Variants in C4orf51 observed in about 807,000 individuals in gnomAD.
C4orf51 encodes the protein uncharacterized protein C4orf51.
C4orf51 carries 25 observed loss-of-function variants against 25.2 expected under a neutral mutation model. The observed-to-expected ratio is 0.99, with a 90% CI of 0.72 to 1.39. C4orf51 has a LOEUF of 1.39. C4orf51 is among the 40% of genes most tolerant of loss of function. The probability of loss-of-function intolerance (pLI) is 0.00; values close to 1 mark genes in which losing one functional copy is unlikely to be tolerated. For missense variants in C4orf51, 252 were observed against 239.6 expected (o/e 1.05, Z -0.34); for synonymous variants, 100 against 84.5 (o/e 1.18, Z -1.01).
At chr4:145,744,851 T>C (rs1347976136) in intron 1 of C4orf51, among the ~76,000 whole-genome samples, 1 of 136,306 alleles carries the variant, frequency 7.3e-6, no homozygotes, top group South Asian at 2.8e-4. Flanking sequence ...AAACTCTGTC[T>C]CAAAAAAAAA....
At chr4:145,702,932 G>A (rs1214202187) in intron 2 of C4orf51, among the ~76,000 whole-genome samples, 1 of 151,238 alleles carries the variant, frequency 6.6e-6, no homozygotes, top group Non-Finnish European at 1.5e-5. Flanking sequence ...CCCTAATCCC[G>A]CTTGAAGCAG....
chr4:145,720,862 C>G (rs1731698569), intron 2 of C4orf51, among the ~76,000 whole-genome samples: 1 of 152,152 alleles, frequency 6.6e-6, no homozygotes, highest in South Asian at 2.1e-4. Context: ...CCCCATTTCT[C>G]TATGGACCTT....
At position 145,749,043 on chromosome 4, in the gene C4orf51, A is replaced by T. The variant is rs1002654606; in HGVS notation, n.168-5164A>T. Among the ~76,000 whole-genome samples the T allele has an allele frequency of 5.8e-5, 8 of 138,234 alleles. No individual in the cohort carries two copies. The Admixed American group carries it at 6.0e-4, about 10-fold the overall frequency. 90.7% of individuals were successfully genotyped at this position (138,234 alleles called of 152,430 possible). On this transcript the variant is annotated intron_variant and non_coding_transcript_variant, in intron 1 of 1. Coordinates refer to the C4orf51 transcript ENST00000508981. ...AATAATATTTGCATTATATACCTGG[A>T]TGCTCCAATGTGTGTGTGTGTGTAT...
rs202227019 is a variant in C4orf51, at chr4:145,692,953, G to GTTTTTTTTTTTTTTTTTTT, written c.234-3598_234-3580dup. Among the ~76,000 whole-genome samples the GTTTTTTTTTTTTTTTTTTT allele has an allele frequency of 4.0e-5, 4 of 100,968 alleles. 1 individual carries two copies. The highest frequency in any genetic ancestry group is 6.0e-5 in the Non-Finnish European group (3 of 50,150). The allele number at this position is 100,968 out of a possible 152,430, so 66.2% of individuals were successfully genotyped here. On this transcript the variant is annotated intron_variant, in intron 1 of 5. Transcript: ENST00000438731. ...TTACTCCGCTGATATTAAGTTTTTA[G>GTTTTTTTTTTTTTTTTTTT]TTTTTTTTTTTTTTTTTTTTTTTTT...
downstream of C4orf51, among the ~76,000 whole-genome samples, chr4:145,754,598 A>G (rs573593276): frequency 6.6e-6 from 1 of 152,304 alleles, no homozygotes; most frequent in South Asian, 2.1e-4. Context: ...CCTCAAGACG[A>G]CTGCAGGCAT....
At chr4:145,683,593 T>C (rs1003340818) in intron 1 of C4orf51, among the ~76,000 whole-genome samples, 1 of 152,158 alleles carries the variant, frequency 6.6e-6, no homozygotes, top group African/African-American at 2.4e-5. Flanking sequence ...TAGGTACACA[T>C]AAATATAGTC....
At chr4:145,731,639 T>G (rs1412790197) in intron 5 of C4orf51, among the ~76,000 whole-genome samples, 1 of 133,082 alleles carries the variant, frequency 7.5e-6, no homozygotes, top group Non-Finnish European at 1.5e-5. Context: ...TGGAGTGCAA[T>G]GGCGTGATCT....
At position 145,761,654 on chromosome 4, in the gene C4orf51, C is replaced by G; in HGVS notation, n.167-9334C>G. Reference sequence around the variant, plus strand: ...AGCCGGGAAGGTTCGGAGGCAGCCGCGCTTCTCGCCGCCTCACCAGCCTTC... The same window carrying G: ...AGCCGGGAAGGTTCGGAGGCAGCCGGGCTTCTCGCCGCCTCACCAGCCTTC... On this transcript the variant is annotated intron_variant and non_coding_transcript_variant, in intron 1 of 1. Coordinates refer to the C4orf51 transcript ENST00000510096. This position sits in a 1 kb window ranked among gnomAD's most constrained non-coding sequence, Gnocchi z 6.8. 9.4e-7 allele frequency: 1 copy of G among 1,064,672 alleles called. No homozygotes were observed. Among genetic ancestry groups the G allele is most frequent in the Non-Finnish European group, 1.2e-6 (1 of 810,934 alleles). 66.0% of individuals were successfully genotyped at this position (1,064,672 alleles called of 1,614,324 possible).
intron 1 of C4orf51, among the ~76,000 whole-genome samples, chr4:145,737,959 T>C (rs1732891019): frequency 6.6e-6 from 1 of 152,166 alleles, no homozygotes; most frequent in Admixed American, 6.5e-5. Flanking sequence ...GTTAAATTCA[T>C]CTGTATAGTA....
downstream of C4orf51, among the ~76,000 whole-genome samples, chr4:145,756,887 T>C (rs1430813498): frequency 6.6e-6 from 1 of 152,248 alleles, no homozygotes; most frequent in Non-Finnish European, 1.5e-5. Context: ...ATTTGATCTT[T>C]TTAAATGTTA....
At chr4:145,713,780 T>A (rs1447422772) in intron 2 of C4orf51, among the ~76,000 whole-genome samples, 1 of 152,176 alleles carries the variant, frequency 6.6e-6, no homozygotes, top group African/African-American at 2.4e-5. Context: ...TATTTTTTTT[T>A]ATTTTATTGT....
intron 5 of C4orf51, among the ~76,000 whole-genome samples, chr4:145,731,892 A>G (rs555648782): frequency 6.1e-4 from 93 of 152,286 alleles, no homozygotes; most frequent in African/African-American, 2.1e-3. Context: ...GAGACAAGGC[A>G]AATCTTAATA....
chr4:145,720,444 C>T (rs1731670602), intron 2 of C4orf51, among the ~76,000 whole-genome samples: 1 of 152,184 alleles, frequency 6.6e-6, no homozygotes, highest in African/African-American at 2.4e-5. Flanking sequence ...CCCAAAGGAG[C>T]CCTAGGTCTT....
At position 145,725,435 on chromosome 4, in the gene C4orf51, G is replaced by GT. The variant is rs139674143; in HGVS notation, c.308-1470dup. 9.1e-3 allele frequency among the ~76,000 whole-genome samples: 1,387 copies of GT among 152,166 alleles called. 17 individuals carry two copies. Among genetic ancestry groups the GT allele is most frequent in the African/African-American group, 0.031 (1,268 of 41,520 alleles). On this transcript the variant is annotated intron_variant, in intron 2 of 5. Coordinates refer to ENST00000438731, the MANE Select transcript of C4orf51 (RefSeq NM_001080531.3). ...CAGAACCCAGTGATGCTGCGTATAG[G>GT]TTTTTTCCCACTAGAAATGAAAACA... is the stretch of plus-strand genomic sequence containing the variant.
chr4:145,709,205 G>A (rs1185733881), intron 2 of C4orf51, among the ~76,000 whole-genome samples: 1 of 152,136 alleles, frequency 6.6e-6, no homozygotes, highest in Non-Finnish European at 1.5e-5. Flanking sequence ...CCTCCTTCCC[G>A]AGGGGTTCTA....
intron 3 of C4orf51, among the ~76,000 whole-genome samples, chr4:145,727,905 A>G (rs1475288153): frequency 4.6e-5 from 5 of 107,586 alleles, no homozygotes; most frequent in Admixed American, 1.1e-4. Context: ...GTATATATAT[A>G]TATATATATA....
intron 2 of C4orf51, among the ~76,000 whole-genome samples, chr4:145,716,130 G>T (rs1296659168): frequency 6.6e-6 from 1 of 152,042 alleles, no homozygotes; most frequent in Non-Finnish European, 1.5e-5. Flanking sequence ...ATTAATTAGG[G>T]GGTTGATAGA....
chr4:145,692,953 G>GTTTTTTTTTTTTTTTTTT (rs202227019), intron 1 of C4orf51, among the ~76,000 whole-genome samples: 6 of 100,970 alleles, frequency 5.9e-5, no homozygotes, highest in Admixed American at 1.0e-4. Context: ...TAAGTTTTTA[G>GTTTTTTTTTTTTTTTTTT]TTTTTTTTTT....
intron 1 of C4orf51, among the ~76,000 whole-genome samples, chr4:145,741,985 G>A (rs982275973): frequency 6.6e-5 from 10 of 152,186 alleles, no homozygotes; most frequent in African/African-American, 2.4e-4. Flanking sequence ...ACAGACATGA[G>A]CCACCATGCC....
Sources: gnomAD v4.1 joint callset for allele counts (sites outside exome capture counted in the v4.1 genomes callset) on GRCh38, gnomAD v4.1.1 for gene constraint, Gnocchi (gnomAD v3.1) non-coding constraint, MANE v1.5 for transcripts, NCBI Gene and HGNC (gene_info 2026-07-23, HGNC 2026-07-21) for gene names.